Variants in GRIN2B observed in about 807,000 individuals in gnomAD.
The protein encoded by GRIN2B is glutamate ionotropic receptor NMDA type subunit 2B.
A neutral mutation model predicts 114.5 loss-of-function variants in GRIN2B; 5 were observed. The observed-to-expected ratio is 0.04, with a 90% CI of 0.02 to 0.09. The LOEUF is 0.09. Ranked by LOEUF, GRIN2B falls within the 10% of genes least tolerant of loss-of-function variation. The probability of loss-of-function intolerance (pLI) is 1.00; values close to 1 mark genes in which losing one functional copy is unlikely to be tolerated. For missense variants in GRIN2B, 1,108 were observed against 1,943.5 expected, an observed-to-expected ratio of 0.57 and a Z score of 8.08; for synonymous variants, 787 against 745.1, an observed-to-expected ratio of 1.06 and a Z score of -0.92.
intron 3 of GRIN2B, among the ~76,000 whole-genome samples, chr12:13,859,978 G>A (rs148120380): frequency 1.1e-3 from 167 of 152,272 alleles, no homozygotes; most frequent in African/African-American, 3.9e-3. Context: ...CTAAAAGCAA[G>A]GTAACAATCT....
intron 2 of GRIN2B, among the ~76,000 whole-genome samples, chr12:13,937,472 T>C (rs1867149840): frequency 6.9e-6 from 1 of 145,230 alleles, no homozygotes; most frequent in Non-Finnish European, 1.5e-5. Context: ...CAGAAGACAA[T>C]GGAATAATAT....
At position 13,556,628 on chromosome 12, in the gene GRIN2B, T is replaced by G. The variant is rs1591600523; in HGVS notation, c.*6155A>C. 1.3e-5 allele frequency: 2 copies of G among 152,314 alleles called. No individual in the cohort carries two copies. Among genetic ancestry groups the G allele is most frequent in the Admixed American group, 6.5e-5 (1 of 15,304 alleles). 9.4% of individuals were successfully genotyped at this position (152,314 alleles called of 1,614,324 possible). A position where few individuals can be genotyped will look rare whatever the true frequency, so the allele number is the denominator to read the frequency against. The stretch of plus-strand genomic sequence containing the variant: ...TTAAAATAACAGTTTAAATTGGGCT[T>G]AGTGTTGTGCTTTTTAATTGTACCT... On this transcript the variant is annotated 3_prime_UTR_variant, in exon 14 of 14. Transcript: ENST00000609686.
chr12:13,752,580 A>G (rs954897019), intron 4 of GRIN2B, among the ~76,000 whole-genome samples: 1 of 152,212 alleles, frequency 6.6e-6, no homozygotes, highest in African/African-American at 2.4e-5. Flanking sequence ...TATAGTATAG[A>G]ATCTTCTACC....
At chr12:13,826,162 A>G (rs1334828735) in intron 3 of GRIN2B, among the ~76,000 whole-genome samples, 1 of 150,948 alleles carries the variant, frequency 6.6e-6, no homozygotes, top group Non-Finnish European at 1.5e-5. Flanking sequence ...AAACTGCTAC[A>G]CTCCTTCTTC....
chr12:13,602,837 G>A (rs1949180438), intron 10 of GRIN2B, among the ~76,000 whole-genome samples: 1 of 152,142 alleles, frequency 6.6e-6, no homozygotes, highest in Non-Finnish European at 1.5e-5. Context: ...TTTGACATTT[G>A]AAAGTTAATC....
intron 3 of GRIN2B, among the ~76,000 whole-genome samples, chr12:13,768,633 G>A (rs1863846362): frequency 6.6e-6 from 1 of 152,194 alleles, no homozygotes. Context: ...CCAACTCTAG[G>A]CACAAATATC....
At chr12:13,634,119 A>G (rs1462445879) in intron 5 of GRIN2B, 1 of 152,222 alleles carries the variant, frequency 6.6e-6, no homozygotes, top group African/African-American at 2.4e-5. Context: ...CATGTTCCAG[A>G]ATAAAAGGTA....
intron 3 of GRIN2B, among the ~76,000 whole-genome samples, chr12:13,782,284 C>CACAA (rs760881330): frequency 3.3e-5 from 5 of 151,664 alleles, no homozygotes; most frequent in African/African-American, 1.2e-4. Context: ...ACTCAGAATA[C>CACAA]ACACACACAC....
At chr12:13,957,849 G>A (rs1159526188) in intron 2 of GRIN2B, among the ~76,000 whole-genome samples, 1 of 152,212 alleles carries the variant, frequency 6.6e-6, no homozygotes, top group East Asian at 1.9e-4. Context: ...GAAAAGGGAA[G>A]GGAGATGTGA....
chr12:13,733,671 T>C (rs1296524058), intron 4 of GRIN2B, among the ~76,000 whole-genome samples: 1 of 152,172 alleles, frequency 6.6e-6, no homozygotes, highest in East Asian at 1.9e-4. Flanking sequence ...GAGACATTGT[T>C]GGCTGCTGTA....
intron 12 of GRIN2B, among the ~76,000 whole-genome samples, chr12:13,567,805 A>G (rs1472558381): frequency 1.3e-5 from 2 of 152,104 alleles, no homozygotes; most frequent in African/African-American, 4.8e-5. Context: ...TTCAAACAGA[A>G]AAAGGTATAG....
At chr12:13,715,023 G>A (rs916134016) in intron 4 of GRIN2B, among the ~76,000 whole-genome samples, 2 of 151,812 alleles carry the variant, frequency 1.3e-5, no homozygotes, top group Non-Finnish European at 1.5e-5. Flanking sequence ...ATTGCTTCTC[G>A]TAGTTCTTAG....
intron 2 of GRIN2B, among the ~76,000 whole-genome samples, chr12:13,938,276 A>T (rs1867164293): frequency 6.6e-6 from 1 of 152,092 alleles, no homozygotes; most frequent in African/African-American, 2.4e-5. Context: ...AAGGGCAGAG[A>T]TTGTCATGCT....
intron 3 of GRIN2B, among the ~76,000 whole-genome samples, chr12:13,829,907 G>C (rs1865116555): frequency 6.6e-6 from 1 of 152,182 alleles, no homozygotes; most frequent in Non-Finnish European, 1.5e-5. Flanking sequence ...TTCCCAACAT[G>C]TTGTGAGAAG....
chr12:13,836,713 C>A (rs1005128120), intron 3 of GRIN2B, among the ~76,000 whole-genome samples: 1 of 152,146 alleles, frequency 6.6e-6, no homozygotes, highest in Non-Finnish European at 1.5e-5. Context: ...TGCCTTTCCC[C>A]TTTTCTCTTC....
At chr12:13,782,130 T>C (rs1000725823) in intron 3 of GRIN2B, among the ~76,000 whole-genome samples, 9 of 152,300 alleles carry the variant, frequency 5.9e-5, no homozygotes, top group Admixed American at 2.0e-4. Flanking sequence ...GGTGTCTGAA[T>C]TTATTCAAGT....
In GRIN2B at chr12:13,895,213, A is replaced by C. The variant is rs531029469; in HGVS notation, c.-18-28987T>G. On this transcript the variant is annotated intron_variant, in intron 2 of 13. Transcript: ENST00000609686. ...GAGGTCAAAGAACTTGCTCAGGATC[A>C]CTTGGCTGGCCAGTGGCAAAGCCGG... is the stretch of plus-strand genomic sequence containing the variant. Among the ~76,000 whole-genome samples, 9 of 152,340 alleles carry C rather than the reference A, an allele frequency of 5.9e-5. No homozygotes were observed. In the South Asian group the frequency reaches 1.9e-3, roughly 32 times the overall value.
At chr12:13,632,785 C>G (rs1949627537) in intron 5 of GRIN2B, among the ~76,000 whole-genome samples, 1 of 152,128 alleles carries the variant, frequency 6.6e-6, no homozygotes, top group Non-Finnish European at 1.5e-5. Context: ...TGGAAGTGAC[C>G]TAGAAAACGT....
intron 3 of GRIN2B, among the ~76,000 whole-genome samples, chr12:13,865,073 T>C (rs779805640): frequency 2.6e-5 from 4 of 152,238 alleles, no homozygotes; most frequent in African/African-American, 7.2e-5. Flanking sequence ...CCTATGACAT[T>C]TGTATCTTCA....
Sources: gnomAD v4.1 joint callset for allele counts (sites outside exome capture counted in the v4.1 genomes callset) on GRCh38, gnomAD v4.1.1 for gene constraint, MANE v1.5 for transcripts, NCBI Gene and HGNC (gene_info 2026-07-23, HGNC 2026-07-21) for gene names.